The following KALRN variants were observed in gnomAD, a reference collection of about 807,000 sequenced individuals.
The protein encoded by KALRN is kalirin.
KALRN carries 70 observed loss-of-function variants against 353.7 expected under a neutral mutation model. That is an observed-to-expected ratio of 0.20 (90% CI 0.16 to 0.24). The LOEUF (loss-of-function observed/expected upper bound fraction) is 0.24, where lower values mean the gene tolerates loss of function less well. Among genes scored for constraint, KALRN ranks in the 10% least tolerant of loss-of-function variants. The pLI, the probability that KALRN is intolerant of heterozygous loss-of-function variation, is 1.00. For synonymous variants in KALRN, 1,391 were observed against 1,434.8 expected, an observed-to-expected ratio of 0.97 and a Z score of 0.69; for missense variants, 2,791 against 3,756.7, an observed-to-expected ratio of 0.74 and a Z score of 6.72.
intron 34 of KALRN, among the ~76,000 whole-genome samples, chr3:124,600,475 G>C (rs150023042): frequency 6.6e-6 from 1 of 152,218 alleles, no homozygotes; most frequent in Non-Finnish European, 1.5e-5. Flanking sequence ...GGACAGGGCA[G>C]TGGCTATAAT....
Position 124,298,227 on chromosome 3 carries a change from A to G in KALRN, c.970-564A>G, listed in dbSNP as rs929318646. Among the ~76,000 whole-genome samples, 4 of 152,290 alleles carry G rather than the reference A, an allele frequency of 2.6e-5. No homozygotes were observed. In the Middle Eastern group the frequency reaches 0.01, roughly 388 times the overall value. ...TGTGCTAGCACCAGGTGGTACTTAT[A>G]CTACGCTTAAAACCCTCATCTTCTG... On this transcript the variant is annotated intron_variant, in intron 5 of 59. Transcript: ENST00000682506.
At chr3:124,188,224 G>A (rs1393683337) in intron 1 of KALRN, among the ~76,000 whole-genome samples, 3 of 152,166 alleles carry the variant, frequency 2.0e-5, no homozygotes, top group Non-Finnish European at 4.4e-5. Context: ...CACCACCAGA[G>A]ACTCTATTCA....
chr3:124,106,950 A>G (rs1341009810), intron 1 of KALRN, among the ~76,000 whole-genome samples: 1 of 152,214 alleles, frequency 6.6e-6, no homozygotes, highest in African/African-American at 2.4e-5. Context: ...CTCCAAAAGC[A>G]GGATTGCATT....
chr3:124,338,558 A>G (rs970101749), intron 9 of KALRN, among the ~76,000 whole-genome samples: 4 of 152,140 alleles, frequency 2.6e-5, no homozygotes, highest in African/African-American at 9.7e-5. Context: ...ACTTCCAATT[A>G]TGTGGTCAAT....
chr3:124,704,410 C>T lies in KALRN; in HGVS notation c.8075+2294C>T, dbSNP rs896384952. Among the ~76,000 whole-genome samples, 8 of 152,282 alleles carry T rather than the reference C, an allele frequency of 5.3e-5. No individual in the cohort carries two copies. In the East Asian group the frequency reaches 9.6e-4, roughly 18 times the overall value. ...ATTTTCTTATCTGTTCAAAAGTAAT[C>T]GATGTTTTTGTTTTAAAGTCTCTAA... On this transcript the variant is annotated intron_variant, in intron 57 of 59. Transcript: ENST00000682506.
chr3:124,048,626 C>T lies in KALRN; in HGVS notation c.73+14813C>T, dbSNP rs2332688. ...CCTCCCGAGTAGCTGGGACTACAGG[C>T]GCCCGCCACCTCGCCCAGCTAATTT... On this transcript the variant is annotated intron_variant, in intron 1 of 59. Coordinates refer to ENST00000682506, the MANE Select transcript of KALRN (RefSeq NM_001388419.1). 2.9e-3 allele frequency among the ~76,000 whole-genome samples: 443 copies of T among 152,098 alleles called. 1 individual carries two copies. Among genetic ancestry groups the T allele is most frequent in the African/African-American group, 0.01 (419 of 41,466 alleles).
At chr3:124,643,226 T>G (rs1292342706) in intron 37 of KALRN, among the ~76,000 whole-genome samples, 3 of 152,184 alleles carry the variant, frequency 2.0e-5, no homozygotes, top group Admixed American at 6.5e-5. Flanking sequence ...TTGCCCGGGC[T>G]GGTCTCAAAT....
chr3:124,634,051 TATCTCGTCGTCCAC>T (rs2081083736), intron 36 of KALRN, 98 bp downstream of exon 36: 1 of 856,352 alleles, frequency 1.2e-6, no homozygotes, highest in African/African-American at 1.7e-5. Flanking sequence ...TCTCCCATGT[TATCTCGTCGTCCAC>T]ATGAATCCAT....
At chr3:124,498,334 T>C (rs1460473348) in intron 33 of KALRN, among the ~76,000 whole-genome samples, 3 of 152,192 alleles carry the variant, frequency 2.0e-5, no homozygotes, top group Non-Finnish European at 2.9e-5. Flanking sequence ...TCTCTACTTA[T>C]GTAGTTTTTT....
chr3:124,544,580 C>T lies in KALRN; in HGVS notation c.4936-18263C>T, dbSNP rs143194156. Among the ~76,000 whole-genome samples the T allele has an allele frequency of 9.7e-3, 1,470 of 151,824 alleles. 23 individuals are homozygous for T. The highest frequency in any genetic ancestry group is 0.033 in the African/African-American group (1,361 of 41,376). The stretch of plus-strand genomic sequence containing the variant: ...CAAAACAAAACAAAACTATCTATAT[C>T]GATACATCTATATCGATATAGATAC... On this transcript the variant is annotated intron_variant, in intron 33 of 59. Transcript: ENST00000682506.
At chr3:124,624,903 G>A (rs924687215) in intron 34 of KALRN, among the ~76,000 whole-genome samples, 6 of 152,190 alleles carry the variant, frequency 3.9e-5, no homozygotes, top group Non-Finnish European at 8.8e-5. Context: ...GCAACTGGTA[G>A]TATTAGGTTT....
intron 49 of KALRN, among the ~76,000 whole-genome samples, chr3:124,677,849 G>T (rs998821481): frequency 1.3e-5 from 2 of 152,180 alleles, no homozygotes; most frequent in African/African-American, 2.4e-5. Context: ...CATCCACCGT[G>T]CCCTTCTCAA....
intron 9 of KALRN, among the ~76,000 whole-genome samples, chr3:124,341,326 A>G (rs989550070): frequency 1.3e-5 from 2 of 152,198 alleles, no homozygotes; most frequent in Non-Finnish European, 2.9e-5. Flanking sequence ...ACATTCCTGA[A>G]TGGGGTGGCA....
At chr3:124,111,838 T>C (rs2063004665) in intron 1 of KALRN, among the ~76,000 whole-genome samples, 1 of 152,216 alleles carries the variant, frequency 6.6e-6, no homozygotes, top group African/African-American at 2.4e-5. Context: ...AATGGCTTTA[T>C]TGGAAATTCA....
intron 52 of KALRN, 60 bp from the exon 53 acceptor site, chr3:124,694,272 A>C: frequency 6.5e-7 from 1 of 1,537,506 alleles, no homozygotes; most frequent in Non-Finnish European, 8.9e-7. Flanking sequence ...TTAAAACAAA[A>C]TGGCCATTTT....
chr3:124,406,696 A>T (rs2150180992), intron 13 of KALRN, among the ~76,000 whole-genome samples: 1 of 152,316 alleles, frequency 6.6e-6, no homozygotes, highest in Non-Finnish European at 1.5e-5. Context: ...TGTAGTGTTG[A>T]TTAATGTATA....
chr3:124,567,474 A>T (rs1207376051), intron 34 of KALRN, among the ~76,000 whole-genome samples: 2 of 152,092 alleles, frequency 1.3e-5, no homozygotes, highest in African/African-American at 4.8e-5. Context: ...GGTTGGTGAA[A>T]AAGAGTGGGG....
chr3:124,392,904 A>G (rs1473143500), intron 11 of KALRN, among the ~76,000 whole-genome samples: 8 of 151,008 alleles, frequency 5.3e-5, no homozygotes, highest in Admixed American at 5.3e-4. Context: ...GTTATCTAGC[A>G]TTAGGTATAT....
chr3:124,137,057 G>A (rs1359169152), intron 1 of KALRN, among the ~76,000 whole-genome samples: 1 of 137,634 alleles, frequency 7.3e-6, no homozygotes, highest in African/African-American at 2.5e-5. Context: ...GTGTGTTTGG[G>A]AGAGGAGGAA....
Sources: gnomAD v4.1 joint callset for allele counts (sites outside exome capture counted in the v4.1 genomes callset) on GRCh38, gnomAD v4.1.1 for gene constraint, MANE v1.5 for transcripts, NCBI Gene and HGNC (gene_info 2026-07-23, HGNC 2026-07-21) for gene names.